PITPNC1: variants seen among roughly 807,000 people sequenced by gnomAD.
PITPNC1 encodes the protein cytoplasmic phosphatidylinositol transfer protein 1.
A neutral mutation model predicts 44.7 loss-of-function variants in PITPNC1; 18 were observed. The observed-to-expected ratio is 0.40, with a 90% CI of 0.28 to 0.60. The LOEUF (loss-of-function observed/expected upper bound fraction) is 0.60. Among genes scored for constraint, PITPNC1 ranks in the 20% least tolerant of loss-of-function variants. PITPNC1 has a pLI of 0.39. For synonymous variants in PITPNC1, 141 were observed against 149.6 expected (o/e 0.94, Z 0.42); for missense variants, 290 against 418.4 (o/e 0.69, Z 2.68).
intron 1 of PITPNC1, among the ~76,000 whole-genome samples, chr17:67,426,419 T>A (rs2038766056): frequency 6.6e-6 from 1 of 152,222 alleles, no homozygotes; most frequent in Non-Finnish European, 1.5e-5. Context: ...CATGGAATAC[T>A]ATACAGCCAT....
intron 1 of PITPNC1, among the ~76,000 whole-genome samples, chr17:67,428,843 T>C (rs937553959): frequency 1.4e-5 from 2 of 145,250 alleles, no homozygotes; most frequent in African/African-American, 5.0e-5. Flanking sequence ...GTCTTGCTTT[T>C]TTTTTTTTTT....
chr17:67,687,022 T>C (rs959920858), intron 8 of PITPNC1: 20 of 1,087,630 alleles, frequency 1.8e-5, no homozygotes, highest in African/African-American at 9.2e-5. Context: ...CATTGAAAGT[T>C]TGCATCTAAT....
intron 1 of PITPNC1, among the ~76,000 whole-genome samples, chr17:67,521,109 A>C (rs540402297): frequency 7.4e-6 from 1 of 134,284 alleles, no homozygotes; most frequent in East Asian, 2.3e-4. Context: ...CCTTGAGGCG[A>C]TTTGCACAGT....
rs2043014995 is a variant in PITPNC1, at chr17:67,696,658, C to T, written c.*3770C>T. ...TCATTCTTGCTGAAACTGAAGTGTA[C>T]ACAATAGCACACTGTTGGCATGCTG... On this transcript the variant is annotated 3_prime_UTR_variant, in exon 9 of 9. Transcript: ENST00000581322. The T allele has an allele frequency of 6.6e-6, 1 of 152,214 alleles. No homozygotes were observed. The allele number at this position is 152,214 out of a possible 1,614,324, so 9.4% of individuals were successfully genotyped here.
At chr17:67,521,957 C>A (rs745864707) in intron 1 of PITPNC1, among the ~76,000 whole-genome samples, 1 of 152,052 alleles carries the variant, frequency 6.6e-6, no homozygotes, top group South Asian at 2.1e-4. Context: ...GCAGTCAGTA[C>A]CTCGTTGTGT....
chr17:67,425,622 A>G (rs1312098910), intron 1 of PITPNC1, among the ~76,000 whole-genome samples: 3 of 151,536 alleles, frequency 2.0e-5, no homozygotes, highest in East Asian at 3.9e-4. Context: ...CCTGGGCTCA[A>G]GCGATCTTCC....
chr17:67,388,922 CTG>C (rs1207133033), intron 1 of PITPNC1, among the ~76,000 whole-genome samples: 2 of 152,214 alleles, frequency 1.3e-5, no homozygotes, highest in Non-Finnish European at 2.9e-5. Flanking sequence ...TTTTCTATTG[CTG>C]TGTTACAAAT....
chr17:67,503,816 C>T (rs1052999098), intron 1 of PITPNC1, among the ~76,000 whole-genome samples: 3 of 152,076 alleles, frequency 2.0e-5, no homozygotes, highest in African/African-American at 7.2e-5. Context: ...AAATTCTGTC[C>T]AGGTGTGTTG....
At chr17:67,437,180 A>G (rs1472048706) in intron 1 of PITPNC1, among the ~76,000 whole-genome samples, 2 of 151,954 alleles carry the variant, frequency 1.3e-5, no homozygotes, top group African/African-American at 2.4e-5. Context: ...TCGGCCTCCT[A>G]AAGTGCTGGG....
chr17:67,476,903 TC>T (rs1275981057), intron 1 of PITPNC1, among the ~76,000 whole-genome samples: 1 of 152,154 alleles, frequency 6.6e-6, no homozygotes, highest in East Asian at 1.9e-4. Context: ...CGCATCAGCA[TC>T]ACCTGCGAGC....
intron 1 of PITPNC1, among the ~76,000 whole-genome samples, chr17:67,471,170 CT>C (rs1018837298): frequency 8.1e-6 from 1 of 122,910 alleles, no homozygotes; most frequent in Admixed American, 8.5e-5. Context: ...CCAAATCCCC[CT>C]CTGTGAGAAA....
intron 1 of PITPNC1, among the ~76,000 whole-genome samples, chr17:67,445,629 C>T (rs77404970): frequency 6.6e-6 from 1 of 152,160 alleles, no homozygotes; most frequent in Non-Finnish European, 1.5e-5. Flanking sequence ...ACCAGGCATT[C>T]GTTAGTTGGG....
chr17:67,444,435 G>A (rs564027193), intron 1 of PITPNC1, among the ~76,000 whole-genome samples: 1 of 152,048 alleles, frequency 6.6e-6, no homozygotes, highest in African/African-American at 2.4e-5. Flanking sequence ...GGTGGCGGAG[G>A]GGGGTGAGCA....
intron 1 of PITPNC1, among the ~76,000 whole-genome samples, chr17:67,507,800 T>C (rs1190938526): frequency 2.0e-5 from 3 of 151,964 alleles, no homozygotes; most frequent in African/African-American, 7.3e-5. Flanking sequence ...TTACTGGTCC[T>C]TCTCAGTGTC....
intron 1 of PITPNC1, among the ~76,000 whole-genome samples, chr17:67,460,643 G>T (rs1471913994): frequency 6.6e-6 from 1 of 151,722 alleles, no homozygotes; most frequent in Non-Finnish European, 1.5e-5. Flanking sequence ...TCAAACTCCT[G>T]ACCTCAGGTG....
chr17:67,648,961 C>A (rs1416204519), intron 6 of PITPNC1, among the ~76,000 whole-genome samples: 6 of 152,082 alleles, frequency 3.9e-5, no homozygotes, highest in Non-Finnish European at 5.9e-5. Flanking sequence ...TGAGACCAGC[C>A]CAGACAATAT....
chr17:67,444,557 C>G (rs2035509691), intron 1 of PITPNC1, among the ~76,000 whole-genome samples: 1 of 151,964 alleles, frequency 6.6e-6, no homozygotes, highest in Non-Finnish European at 1.5e-5. Context: ...TGCCTTTGTC[C>G]CCTGAAGGTT....
At chr17:67,464,274 C>T (rs1479917940) in intron 1 of PITPNC1, among the ~76,000 whole-genome samples, 1 of 152,002 alleles carries the variant, frequency 6.6e-6, no homozygotes, top group African/African-American at 2.4e-5. Flanking sequence ...CATTTGCTTC[C>T]CAGTGTTCCT....
intron 1 of PITPNC1, among the ~76,000 whole-genome samples, chr17:67,451,252 G>C (rs1419577704): frequency 6.6e-6 from 1 of 151,946 alleles, no homozygotes; most frequent in African/African-American, 2.4e-5. Context: ...GGCTGGTCTC[G>C]ATCTCCTGAC....
Sources: allele counts gnomAD v4.1 joint callset (sites outside exome capture counted in the v4.1 genomes callset), GRCh38; gene constraint gnomAD v4.1.1; transcripts MANE v1.5; gene names NCBI Gene and HGNC (gene_info 2026-07-23, HGNC 2026-07-21).